ERG: variants seen among roughly 807,000 people sequenced by gnomAD.
ERG encodes transcriptional regulator ERG.
In ERG, 9 loss-of-function variants were observed where a neutral mutation model predicts 55.3. The ratio of observed to expected loss-of-function variants is 0.16; its 90% CI spans 0.10 to 0.28. ERG has a LOEUF of 0.28. Among genes scored for constraint, ERG ranks in the 10% least tolerant of loss-of-function variants. ERG has a pLI of 1.00. For missense variants in ERG, 434 were observed against 631.6 expected (o/e 0.69, Z 3.35); for synonymous variants, 223 against 237.3 (o/e 0.94, Z 0.55).
chr21:38,441,069 C>T (rs560477775), intron 2 of ERG, among the ~76,000 whole-genome samples: 1 of 152,312 alleles, frequency 6.6e-6, no homozygotes, highest in African/African-American at 2.4e-5. Context: ...ACACGCCACC[C>T]CCTTTACCAC....
chr21:38,537,174 A>C (rs2059716791), intron 2 of ERG, among the ~76,000 whole-genome samples: 2 of 152,168 alleles, frequency 1.3e-5, no homozygotes, highest in African/African-American at 4.8e-5. Flanking sequence ...AAAGACCAAA[A>C]AATAAAAGCT....
intron 1 of ERG, among the ~76,000 whole-genome samples, chr21:38,482,984 C>A (rs2059251413): frequency 6.6e-6 from 1 of 152,126 alleles, no homozygotes; most frequent in South Asian, 2.1e-4. Context: ...GCCCATTTAG[C>A]TTTCAAAAAG....
chr21:38,571,134 T>C (rs924727819), intron 2 of ERG, among the ~76,000 whole-genome samples: 1 of 152,216 alleles, frequency 6.6e-6, no homozygotes, highest in African/African-American at 2.4e-5. Flanking sequence ...TCTTTGGTTG[T>C]GACAGCTCCA....
intron 9 of ERG, among the ~76,000 whole-genome samples, chr21:38,387,154 A>G (rs916149656): frequency 6.6e-6 from 1 of 152,240 alleles, no homozygotes; most frequent in African/African-American, 2.4e-5. Flanking sequence ...TGTCTGGTGG[A>G]AACAGCATCC....
At chr21:38,531,521 C>T (rs188535687) in intron 2 of ERG, among the ~76,000 whole-genome samples, 284 of 152,206 alleles carry the variant, frequency 1.9e-3, no homozygotes, top group Non-Finnish European at 3.3e-3. Flanking sequence ...TGGTAGTACA[C>T]GCTCTTCCTT....
rs1409965945 is a variant in ERG, at chr21:38,445,534, A to G, written c.106T>C (p.Ser36Pro). ...GTCTGTCCATAGTCGCTGGAGGAGGACGCGGTCATCTCTGTCTTAGCCAGG... is the reference window on the plus strand; with the variant it reads ...GTCTGTCCATAGTCGCTGGAGGAGGGCGCGGTCATCTCTGTCTTAGCCAGG... ...PHLAKTEMTA[S>P]SSSDYGQTSK... The change falls in exon 2 of 10, where the codon TCC becomes CCC. Residue 36 changes from serine (S) to proline (P), a missense_variant. Ser to Pro is a moderately conservative substitution (Grantham distance 74). Transcript: ENST00000288319. 3.1e-6 allele frequency: 5 copies of G among 1,613,876 alleles called. No individual in the cohort carries two copies. In the African/African-American group the frequency reaches 6.7e-5, roughly 22 times the overall value.
At chr21:38,507,539 T>TGAATGAAC (rs1346120280) in intron 2 of ERG, among the ~76,000 whole-genome samples, 21 of 150,510 alleles carry the variant, frequency 1.4e-4, no homozygotes, top group African/African-American at 5.2e-4. Flanking sequence ...AATGAGTGAA[T>TGAATGAAC]GAATGAATGA....
chr21:38,507,415 G>T (rs530087393), intron 2 of ERG, among the ~76,000 whole-genome samples: 2 of 152,222 alleles, frequency 1.3e-5, no homozygotes, highest in Admixed American at 1.3e-4. Flanking sequence ...AAATTAAAAT[G>T]CATTGGAGAT....
intron 2 of ERG, among the ~76,000 whole-genome samples, chr21:38,543,324 A>G (rs1377528501): frequency 2.0e-5 from 3 of 150,830 alleles, no homozygotes; most frequent in Non-Finnish European, 4.4e-5. Flanking sequence ...CAATATCCCT[A>G]CTGATGCATA....
intron 1 of ERG, among the ~76,000 whole-genome samples, chr21:38,454,585 G>A (rs1043431164): frequency 2.5e-4 from 38 of 152,114 alleles, no homozygotes; most frequent in Admixed American, 1.8e-3. Context: ...CTCTCTCCCA[G>A]GACAGTTAAA....
chr21:38,643,532 C>T (rs1356760744), intron 1 of ERG, among the ~76,000 whole-genome samples: 8 of 152,138 alleles, frequency 5.3e-5, no homozygotes, highest in Non-Finnish European at 1.2e-4. Flanking sequence ...AAATTTGTTT[C>T]TTGTGGTAGA....
intron 6 of ERG, among the ~76,000 whole-genome samples, chr21:38,394,237 T>C (rs1988102852): frequency 6.6e-6 from 1 of 152,202 alleles, no homozygotes; most frequent in South Asian, 2.1e-4. Context: ...ATGTTCTAGA[T>C]CTCTGTTTCT....
At chr21:38,500,893 C>A (rs1011774314), upstream of ERG, among the ~76,000 whole-genome samples, 1 of 152,038 alleles carries the variant, frequency 6.6e-6, no homozygotes. Context: ...ACAAAGGAAA[C>A]TCCTCCTCAT....
chr21:38,580,277 T>G (rs2060021060), intron 1 of ERG, among the ~76,000 whole-genome samples: 1 of 152,186 alleles, frequency 6.6e-6, no homozygotes, highest in Non-Finnish European at 1.5e-5. Flanking sequence ...TTGCAGCCAT[T>G]TGAGTGCCTG....
intron 2 of ERG, among the ~76,000 whole-genome samples, chr21:38,521,956 C>T (rs2059598100): frequency 6.6e-6 from 1 of 152,094 alleles, no homozygotes; most frequent in South Asian, 2.1e-4. Context: ...TCAGATATCT[C>T]TTGGTAAATT....
At chr21:38,488,359 G>A (rs768399494) in intron 1 of ERG, among the ~76,000 whole-genome samples, 3 of 152,114 alleles carry the variant, frequency 2.0e-5, no homozygotes, top group Non-Finnish European at 4.4e-5. Flanking sequence ...TTGGTGCTTC[G>A]CCAGTGCTTA....
chr21:38,499,368 G>A (rs1018776900), upstream of ERG, among the ~76,000 whole-genome samples: 1 of 152,192 alleles, frequency 6.6e-6, no homozygotes, highest in Admixed American at 6.5e-5. Context: ...CTCCTCGAAG[G>A]AAGTACAGCG....
chr21:38,582,187 T>C (rs2060033953), intron 1 of ERG, among the ~76,000 whole-genome samples: 1 of 152,140 alleles, frequency 6.6e-6, no homozygotes, highest in South Asian at 2.1e-4. Context: ...TTTTCCTGAG[T>C]TCTAGCAAGT....
intron 1 of ERG, among the ~76,000 whole-genome samples, chr21:38,577,762 A>G (rs1367934570): frequency 6.6e-6 from 1 of 152,090 alleles, no homozygotes. Context: ...CCACTGCACA[A>G]CCCTGCTCTG....
Sources: allele counts gnomAD v4.1 joint callset (sites outside exome capture counted in the v4.1 genomes callset), GRCh38; gene constraint gnomAD v4.1.1; transcripts MANE v1.5; gene names NCBI Gene and HGNC (gene_info 2026-07-23, HGNC 2026-07-21).